WDPCP: variants seen among roughly 807,000 people sequenced by gnomAD.
WDPCP encodes WD repeat containing planar cell polarity effector.
WDPCP carries 71 observed loss-of-function variants against 93.1 expected under a neutral mutation model. The observed-to-expected ratio is 0.76, with a 90% CI of 0.63 to 0.93. The LOEUF is 0.93. Ranked by LOEUF, WDPCP falls within the 40% of genes least tolerant of loss-of-function variation. The pLI is 0.00. For synonymous variants in WDPCP, 315 were observed against 315.0 expected, an observed-to-expected ratio of 1.00 and a Z score of 0.00; for missense variants, 844 against 887.4, an observed-to-expected ratio of 0.95 and a Z score of 0.62.
chr2:63,699,252 C>A (rs544198923), intron 2 of WDPCP, among the ~76,000 whole-genome samples: 1 of 151,808 alleles, frequency 6.6e-6, no homozygotes, highest in South Asian at 2.1e-4. Flanking sequence ...GAGGGCAGTT[C>A]AAAGCAGGAT....
intron 12 of WDPCP, among the ~76,000 whole-genome samples, chr2:63,373,705 C>T (rs942525589): frequency 6.6e-6 from 1 of 151,850 alleles, no homozygotes; most frequent in Non-Finnish European, 1.5e-5. Context: ...CATGTTTCTT[C>T]CCCTGCATGC....
At chr2:63,313,056 G>A (rs904986427) in intron 13 of WDPCP, among the ~76,000 whole-genome samples, 192 bp downstream of exon 13, 6 of 152,098 alleles carry the variant, frequency 3.9e-5, no homozygotes, top group Non-Finnish European at 8.8e-5. Context: ...CAAACAAAAT[G>A]TCAACAAATC....
intron 2 of WDPCP, among the ~76,000 whole-genome samples, chr2:63,798,031 T>G (rs1007263939): frequency 2.6e-5 from 4 of 152,162 alleles, no homozygotes; most frequent in African/African-American, 9.7e-5. Flanking sequence ...CATGACATAT[T>G]TAAAGTGCTG....
At chr2:63,631,835 G>A (rs1026839660) in intron 3 of WDPCP, among the ~76,000 whole-genome samples, 1 of 152,208 alleles carries the variant, frequency 6.6e-6, no homozygotes, top group Non-Finnish European at 1.5e-5. Context: ...GAACTCAATA[G>A]CCCTGATGAC....
At chr2:63,200,946 A>G (rs1339696958) in intron 14 of WDPCP, among the ~76,000 whole-genome samples, 1 of 152,072 alleles carries the variant, frequency 6.6e-6, no homozygotes, top group African/African-American at 2.4e-5. Context: ...TGAGAAGGAC[A>G]TGAGATATGG....
At chr2:63,418,576 T>C (rs1018716838) in intron 9 of WDPCP, among the ~76,000 whole-genome samples, 1 of 152,218 alleles carries the variant, frequency 6.6e-6, no homozygotes, top group African/African-American at 2.4e-5. Context: ...TGGTGAATTC[T>C]GAAATCTAAT....
intron 14 of WDPCP, among the ~76,000 whole-genome samples, chr2:63,238,187 T>C (rs1378060304): frequency 6.6e-6 from 1 of 152,132 alleles, no homozygotes; most frequent in African/African-American, 2.4e-5. Context: ...TATTTTTGTC[T>C]CAGATAATTA....
chr2:63,815,672 G>A (rs1252706558), intron 1 of WDPCP, among the ~76,000 whole-genome samples: 1 of 152,182 alleles, frequency 6.6e-6, no homozygotes, highest in African/African-American at 2.4e-5. Context: ...GAATCTAAGG[G>A]TGGGAGGGCA....
At chr2:63,559,534 A>G (rs865939128) in intron 1 of WDPCP, among the ~76,000 whole-genome samples, 3 of 152,296 alleles carry the variant, frequency 2.0e-5, no homozygotes, top group African/African-American at 7.2e-5. Flanking sequence ...CCTTCACCTC[A>G]GCCCAAAAGT....
chr2:63,168,433 A>G (rs1673152637), intron 15 of WDPCP, among the ~76,000 whole-genome samples: 1 of 152,056 alleles, frequency 6.6e-6, no homozygotes, highest in Non-Finnish European at 1.5e-5. Flanking sequence ...TGTCTTTCTT[A>G]CAGTACATAG....
At chr2:63,259,224 A>G (rs1251771545) in intron 14 of WDPCP, 83 bp downstream of exon 14, 1 of 1,180,170 alleles carries the variant, frequency 8.5e-7, no homozygotes, top group Non-Finnish European at 1.3e-6. Context: ...CAAATTAACC[A>G]TCCATGTCCT....
intron 12 of WDPCP, among the ~76,000 whole-genome samples, chr2:63,340,048 C>A (rs946031660): frequency 2.6e-5 from 4 of 151,904 alleles, no homozygotes; most frequent in African/African-American, 7.2e-5. Flanking sequence ...GCTCATGGTT[C>A]TCTTTGTTGG....
chr2:63,751,166 T>TA (rs1300326376), intron 2 of WDPCP, among the ~76,000 whole-genome samples: 1 of 152,218 alleles, frequency 6.6e-6, no homozygotes, highest in Non-Finnish European at 1.5e-5. Flanking sequence ...TGTTTTTGTT[T>TA]AACCTGTATT....
chr2:63,475,018 T>A (rs1417444024), intron 6 of WDPCP, among the ~76,000 whole-genome samples: 2 of 152,130 alleles, frequency 1.3e-5, no homozygotes, highest in Admixed American at 1.3e-4. Flanking sequence ...ATTTTCATAA[T>A]TTTAAAGAAA....
intron 3 of WDPCP, chr2:63,597,274 T>C: frequency 8.0e-7 from 1 of 1,245,022 alleles, no homozygotes; most frequent in Middle Eastern, 3.1e-4. Context: ...TCCTGAAATG[T>C]ATATCAGTGT....
chr2:63,730,496 C>T (rs1323372119), intron 2 of WDPCP, among the ~76,000 whole-genome samples: 1 of 152,206 alleles, frequency 6.6e-6, no homozygotes, highest in Non-Finnish European at 1.5e-5. Context: ...CGGAGTCTCG[C>T]TCTGTTGCCC....
intron 12 of WDPCP, among the ~76,000 whole-genome samples, chr2:63,340,290 C>T (rs911978276): frequency 6.6e-6 from 1 of 152,146 alleles, no homozygotes; most frequent in Non-Finnish European, 1.5e-5. Flanking sequence ...AAGGGATTAT[C>T]CCAGCAGTAT....
intron 3 of WDPCP, among the ~76,000 whole-genome samples, chr2:63,627,502 A>C (rs981316087): frequency 6.6e-6 from 1 of 151,828 alleles, no homozygotes; most frequent in African/African-American, 2.4e-5. Context: ...CCGTTTTACC[A>C]CTCCAACGTT....
chr2:63,819,176 G>A (rs1321359075), intron 1 of WDPCP, among the ~76,000 whole-genome samples: 2 of 152,094 alleles, frequency 1.3e-5, no homozygotes, highest in Non-Finnish European at 2.9e-5. Context: ...TTCAAATCTT[G>A]GTTATTTATT....
Sources: gnomAD v4.1 joint callset for allele counts (sites outside exome capture counted in the v4.1 genomes callset) on GRCh38, gnomAD v4.1.1 for gene constraint, MANE v1.5 for transcripts, NCBI Gene and HGNC (gene_info 2026-07-23, HGNC 2026-07-21) for gene names.